The following DLG2 variants were observed in gnomAD, a reference collection of about 807,000 sequenced individuals.
DLG2 encodes the protein disks large homolog 2.
DLG2 carries 45 observed loss-of-function variants against 132.5 expected under a neutral mutation model. That is an observed-to-expected ratio of 0.34 (90% CI 0.27 to 0.44). The LOEUF (loss-of-function observed/expected upper bound fraction) is 0.44, where lower values mean the gene tolerates loss of function less well. Among genes scored for constraint, DLG2 ranks in the 20% least tolerant of loss-of-function variants. The probability of loss-of-function intolerance (pLI) is 1.00; values close to 1 mark genes in which losing one functional copy is unlikely to be tolerated. For synonymous variants in DLG2, 424 were observed against 419.6 expected (o/e 1.01, Z -0.13); for missense variants, 1,045 against 1,196.9 (o/e 0.87, Z 1.87).
intron 3 of DLG2, among the ~76,000 whole-genome samples, chr11:85,505,227 G>C (rs977295392): frequency 6.6e-6 from 1 of 152,132 alleles, no homozygotes; most frequent in African/African-American, 2.4e-5. Flanking sequence ...TCTACTGCCT[G>C]ATTACCCTGG....
At chr11:83,704,516 T>A (rs975132775) in intron 18 of DLG2, among the ~76,000 whole-genome samples, 16 of 151,856 alleles carry the variant, frequency 1.1e-4, no homozygotes, top group Admixed American at 3.9e-4. Flanking sequence ...TTTCTTTTTT[T>A]AAAAAAAATG....
intron 6 of DLG2, among the ~76,000 whole-genome samples, chr11:84,774,823 C>G (rs539638711): frequency 3.3e-5 from 5 of 151,978 alleles, no homozygotes; most frequent in African/African-American, 1.2e-4. Context: ...ACCTTAAACT[C>G]TAAGAATCCT....
intron 5 of DLG2, among the ~76,000 whole-genome samples, chr11:85,150,267 G>A (rs547595104): frequency 1.2e-4 from 18 of 151,962 alleles, no homozygotes; most frequent in South Asian, 2.1e-4. Context: ...TGATCCGCCC[G>A]TCTCAGCCTC....
intron 11 of DLG2, among the ~76,000 whole-genome samples, chr11:83,993,369 C>T (rs2093830809): frequency 6.6e-6 from 1 of 152,054 alleles, no homozygotes; most frequent in Non-Finnish European, 1.5e-5. Flanking sequence ...TGCTTTAGCT[C>T]AAGGGGGAAA....
chr11:84,235,332 G>A lies in DLG2; in HGVS notation c.573+15906C>T, dbSNP rs549394450. ...GTCTCCTGGAGCTGTATCGAGGGCC[G>A]TAGGTTTCATATTTGATTCAGAATA... On this transcript the variant is annotated intron_variant, in intron 8 of 27. Coordinates refer to ENST00000376104, the MANE Select transcript of DLG2 (RefSeq NM_001142699.3). Among the ~76,000 whole-genome samples, 57 of 152,296 alleles carry A rather than the reference G, an allele frequency of 3.7e-4. No individual in the cohort carries two copies. In the South Asian group the frequency reaches 0.011, roughly 29 times the overall value.
At chr11:83,771,514 G>T (rs1361415991) in intron 18 of DLG2, among the ~76,000 whole-genome samples, 1 of 152,164 alleles carries the variant, frequency 6.6e-6, no homozygotes, top group Admixed American at 6.5e-5. Flanking sequence ...AGACAACTAG[G>T]CTGTGTGGTA....
intron 4 of DLG2, among the ~76,000 whole-genome samples, chr11:85,159,826 C>A (rs2152470462): frequency 6.6e-6 from 1 of 152,298 alleles, no homozygotes; most frequent in Non-Finnish European, 1.5e-5. Flanking sequence ...AACTCTCCAG[C>A]TCTGTGTCAT....
intron 18 of DLG2, among the ~76,000 whole-genome samples, chr11:83,680,585 C>A (rs1458238696): frequency 6.6e-6 from 1 of 152,116 alleles, no homozygotes; most frequent in Admixed American, 6.6e-5. Context: ...GGATTAGAAA[C>A]CAAGTCTCAG....
intron 6 of DLG2, among the ~76,000 whole-genome samples, chr11:84,705,176 C>T (rs1413186402): frequency 6.6e-6 from 1 of 151,656 alleles, no homozygotes; most frequent in African/African-American, 2.4e-5. Context: ...TTCAGAAAGA[C>T]TTACACAGGG....
In DLG2 at chr11:85,240,634, G is replaced by A. The variant is rs1308335044; in HGVS notation, c.186+44586C>T. Among the ~76,000 whole-genome samples the A allele has an allele frequency of 4.0e-5, 6 of 151,850 alleles. No individual in the cohort carries two copies. The South Asian group carries it at 6.2e-4, about 16-fold the overall frequency. On this transcript the variant is annotated intron_variant, in intron 4 of 27. Coordinates refer to ENST00000376104, the MANE Select transcript of DLG2 (RefSeq NM_001142699.3). ...AGGATCCACCTTTATTTTTCTGTAT[G>A]TGTGGTCAGTTTATTGAATAGCTCT...
intron 16 of DLG2, among the ~76,000 whole-genome samples, chr11:83,842,605 G>A (rs1343225807): frequency 1.3e-5 from 2 of 150,992 alleles, no homozygotes; most frequent in Non-Finnish European, 2.9e-5. Context: ...GAGGCGGGTG[G>A]ATCACGAGGT....
intron 6 of DLG2, among the ~76,000 whole-genome samples, chr11:84,560,350 G>A (rs964709669): frequency 6.6e-6 from 1 of 152,064 alleles, no homozygotes; most frequent in Non-Finnish European, 1.5e-5. Flanking sequence ...GTCCCCATTA[G>A]GAGGGCTCAC....
At chr11:84,564,920 T>A (rs1310448122) in intron 6 of DLG2, among the ~76,000 whole-genome samples, 2 of 152,214 alleles carry the variant, frequency 1.3e-5, no homozygotes, top group Non-Finnish European at 2.9e-5. Flanking sequence ...TCTCAACAGA[T>A]AATCTAGTCT....
At chr11:83,477,240 G>GCCTAGTATTTACCACCTCCTAAT (rs2092693176) in intron 22 of DLG2, among the ~76,000 whole-genome samples, 1 of 152,076 alleles carries the variant, frequency 6.6e-6, no homozygotes, top group African/African-American at 2.4e-5. Context: ...ATACATGGGT[G>GCCTAGTATTTACCACCTCCTAAT]ACTGTAAGGT....
chr11:83,882,101 A>G (rs1424498529), intron 15 of DLG2, among the ~76,000 whole-genome samples: 1 of 152,182 alleles, frequency 6.6e-6, no homozygotes, highest in African/African-American at 2.4e-5. Flanking sequence ...GAAAAATGAA[A>G]TAGAACTTCA....
intron 3 of DLG2, among the ~76,000 whole-genome samples, chr11:85,492,388 AAAAC>A (rs936225023): frequency 6.6e-6 from 1 of 152,172 alleles, no homozygotes; most frequent in African/African-American, 2.4e-5. Context: ...ATAACTACAA[AAAAC>A]AAACCACTAA....
At chr11:83,819,469 CAAAAAAAAAA>C (rs398016925) in intron 17 of DLG2, among the ~76,000 whole-genome samples, 2 of 28,128 alleles carry the variant, frequency 7.1e-5, no homozygotes, top group African/African-American at 3.0e-4. Flanking sequence ...GACTCTATCT[CAAAAAAAAAA>C]AAAAAAAAAA....
intron 3 of DLG2, among the ~76,000 whole-genome samples, chr11:85,366,257 T>C (rs1208711358): frequency 6.6e-6 from 1 of 152,196 alleles, no homozygotes; most frequent in East Asian, 1.9e-4. Context: ...ACCTTATCTT[T>C]ACAAACACCA....
At chr11:84,423,863 G>A (rs147909260) in intron 7 of DLG2, among the ~76,000 whole-genome samples, 1 of 152,246 alleles carries the variant, frequency 6.6e-6, no homozygotes, top group African/African-American at 2.4e-5. Flanking sequence ...AATCATAAAT[G>A]CAACAGTAAG....
Sources: allele counts gnomAD v4.1 joint callset (sites outside exome capture counted in the v4.1 genomes callset), GRCh38; gene constraint gnomAD v4.1.1; transcripts MANE v1.5; gene names NCBI Gene and HGNC (gene_info 2026-07-23, HGNC 2026-07-21).